The following SLC24A2 variants were observed in gnomAD, a reference collection of about 807,000 sequenced individuals.
SLC24A2 encodes the protein sodium/potassium/calcium exchanger 2.
In SLC24A2, 36 loss-of-function variants were observed where a neutral mutation model predicts 62.0. That is an observed-to-expected ratio of 0.58 (90% confidence interval 0.44 to 0.77). The LOEUF is 0.77. Ranked by LOEUF, SLC24A2 falls within the 30% of genes least tolerant of loss-of-function variation. SLC24A2 has a pLI of 0.00. For synonymous variants in SLC24A2, 358 were observed against 294.0 expected (o/e 1.22, Z -2.23); for missense variants, 846 against 817.9 (o/e 1.03, Z -0.42).
At chr9:20,246,073 C>T in the SLC24A2 span, among the ~76,000 whole-genome samples, 1 of 152,130 alleles carries the variant, frequency 6.6e-6, no homozygotes, top group Non-Finnish European at 1.5e-5. Flanking sequence ...GAAATAAGAT[C>T]ATGTGTACAT....
chr9:20,133,120 T>C, the SLC24A2 span, among the ~76,000 whole-genome samples: 7 of 152,214 alleles, frequency 4.6e-5, no homozygotes, highest in East Asian at 9.7e-4. Context: ...GCCTAAAAAG[T>C]AGGGCAGAGG....
the SLC24A2 span, among the ~76,000 whole-genome samples, chr9:20,067,736 G>A: frequency 0.031 from 4,708 of 152,084 alleles, 229 homozygotes; most frequent in African/African-American, 0.11. Flanking sequence ...TTATGGCTGC[G>A]TAGAACTCCA....
At chr9:19,988,506 G>A in the SLC24A2 span, among the ~76,000 whole-genome samples, 4 of 152,144 alleles carry the variant, frequency 2.6e-5, no homozygotes, top group Admixed American at 6.6e-5. Flanking sequence ...CACAATCAGC[G>A]TTCCATTAAG....
chr9:19,709,958 C>T (rs887351026), intron 2 of SLC24A2, among the ~76,000 whole-genome samples: 1 of 152,084 alleles, frequency 6.6e-6, no homozygotes, highest in Non-Finnish European at 1.5e-5. Context: ...AGCTAAACCT[C>T]TTCCTCTAGA....
chr9:20,266,746 A>G, the SLC24A2 span, among the ~76,000 whole-genome samples: 12 of 152,332 alleles, frequency 7.9e-5, no homozygotes, highest in African/African-American at 2.9e-4. Flanking sequence ...TTCACGGTGC[A>G]CTTTATCAAA....
chr9:20,017,510 G>A, the SLC24A2 span, among the ~76,000 whole-genome samples: 1 of 152,164 alleles, frequency 6.6e-6, no homozygotes, highest in Admixed American at 6.5e-5. Flanking sequence ...TAGGATAGAT[G>A]TACATATGAA....
the SLC24A2 span, among the ~76,000 whole-genome samples, chr9:19,906,175 A>C: frequency 3.3e-5 from 5 of 152,254 alleles, no homozygotes; most frequent in Non-Finnish European, 5.9e-5. Context: ...TAAGAAACTC[A>C]GTCAAAAACA....
rs1835914356 is a variant in SLC24A2 at position 19,573,548 on chromosome 9, A to G, written c.1229-79T>C. On this transcript the variant is annotated intron_variant, in intron 6 of 10. Coordinates refer to ENST00000341998, the MANE Select transcript of SLC24A2 (RefSeq NM_020344.4). The stretch of plus-strand genomic sequence containing the variant: ...CACACACAGAGAGAGAGAGAGAGAG[A>G]GAGAGAAAGCAAATGGAATCAATGG... 3.5e-6 allele frequency: 3 copies of G among 864,094 alleles called. No individual in the cohort carries two copies. The East Asian group carries it at 7.7e-5, about 22-fold the overall frequency. 53.5% of individuals were successfully genotyped at this position (864,094 alleles called of 1,614,324 possible).
the SLC24A2 span, among the ~76,000 whole-genome samples, chr9:19,856,089 T>C: frequency 5.9e-5 from 9 of 152,218 alleles, no homozygotes; most frequent in East Asian, 3.8e-4. Flanking sequence ...TCAATACTTG[T>C]GGTTGCATTG....
intron 2 of SLC24A2, among the ~76,000 whole-genome samples, chr9:19,703,918 A>G (rs566046047): frequency 1.3e-5 from 2 of 152,348 alleles, no homozygotes; most frequent in East Asian, 3.9e-4. Context: ...TATCTACAGG[A>G]CTTTTTCTCC....
At chr9:20,085,744 G>T in the SLC24A2 span, among the ~76,000 whole-genome samples, 3 of 152,094 alleles carry the variant, frequency 2.0e-5, no homozygotes, top group African/African-American at 7.2e-5. Context: ...TAAATATTCA[G>T]TATGAGCCCA....
the SLC24A2 span, among the ~76,000 whole-genome samples, chr9:19,806,072 A>C: frequency 0.023 from 3,466 of 152,244 alleles, 139 homozygotes; most frequent in African/African-American, 0.079. Flanking sequence ...GCATAATATT[A>C]ATCAAGTATT....
At chr9:20,160,122 T>A in the SLC24A2 span, among the ~76,000 whole-genome samples, 5 of 151,504 alleles carry the variant, frequency 3.3e-5, no homozygotes, top group South Asian at 2.1e-4. Context: ...ATGGAAATCA[T>A]AAGAAAGCTG....
the SLC24A2 span, among the ~76,000 whole-genome samples, chr9:20,046,444 G>T: frequency 6.6e-6 from 1 of 152,148 alleles, no homozygotes. Flanking sequence ...CTTTTTTATG[G>T]GCCCTTAAAA....
rs1158375328 is a variant in SLC24A2 at position 19,544,375 on chromosome 9, G to A, written c.1479+5762C>T. Reference sequence around the variant, plus strand: ...AATACAGCCACTGATGGGTCTTGACGCTTATCCAATTTGCCAGTCTGTGTC... The same window carrying A: ...AATACAGCCACTGATGGGTCTTGACACTTATCCAATTTGCCAGTCTGTGTC... On this transcript the variant is annotated intron_variant, in intron 8 of 10. Transcript: ENST00000341998. 3.3e-5 allele frequency among the ~76,000 whole-genome samples: 5 copies of A among 151,096 alleles called. No individual in the cohort carries two copies. In the South Asian group the frequency reaches 6.3e-4, roughly 19 times the overall value.
chr9:19,904,255 G>T, the SLC24A2 span, among the ~76,000 whole-genome samples: 11 of 152,200 alleles, frequency 7.2e-5, no homozygotes, highest in Non-Finnish European at 1.3e-4. Context: ...TCACATTTAA[G>T]TTTCAGAAGC....
chr9:19,684,556 A>T (rs1267914768), intron 2 of SLC24A2, among the ~76,000 whole-genome samples: 1 of 152,160 alleles, frequency 6.6e-6, no homozygotes, highest in African/African-American at 2.4e-5. Flanking sequence ...GGGAAACCCC[A>T]GTCTATCTGA....
chr9:20,072,564 T>C, the SLC24A2 span, among the ~76,000 whole-genome samples: 1 of 152,110 alleles, frequency 6.6e-6, no homozygotes, highest in African/African-American at 2.4e-5. Context: ...AATCATAATA[T>C]CACATATCAA....
intron 2 of SLC24A2, among the ~76,000 whole-genome samples, chr9:19,659,228 C>G (rs1362070207): frequency 6.6e-6 from 1 of 152,160 alleles, no homozygotes; most frequent in Non-Finnish European, 1.5e-5. Flanking sequence ...ATGCCCAAGA[C>G]TCTTGGTGAA....
Sources: gnomAD v4.1 joint callset for allele counts (sites outside exome capture counted in the v4.1 genomes callset) on GRCh38, gnomAD v4.1.1 for gene constraint, MANE v1.5 for transcripts, NCBI Gene and HGNC (gene_info 2026-07-23, HGNC 2026-07-21) for gene names.